The following MCM3AP variants were observed in gnomAD, a reference collection of about 807,000 sequenced individuals.
MCM3AP encodes the protein minichromosome maintenance complex component 3 associated protein.
Under a neutral mutation model 184.1 loss-of-function variants are expected in MCM3AP, and 126 were observed. That is an observed-to-expected ratio of 0.68 (90% CI 0.59 to 0.79). MCM3AP has a LOEUF of 0.79. MCM3AP is among the 30% of genes least tolerant of loss of function. The pLI is 0.00. For synonymous variants in MCM3AP, 1,002 were observed against 979.3 expected (o/e 1.02, Z -0.43); for missense variants, 2,496 against 2,479.2 (o/e 1.01, Z -0.14).
chr21:46,248,063 A>G (rs2123838873), intron 20 of MCM3AP, among the ~76,000 whole-genome samples: 1 of 152,364 alleles, frequency 6.6e-6, no homozygotes, highest in African/African-American at 2.4e-5. Context: ...TCCCTGGGTT[A>G]GGGAAGCAGA....
chr21:46,284,604 T>G lies in MCM3AP; in HGVS notation c.683A>C (p.Asn228Thr), dbSNP rs139125012. 8.5e-5 allele frequency: 137 copies of G among 1,614,062 alleles called. No homozygotes were observed. Among genetic ancestry groups the G allele is most frequent in the South Asian group, 5.4e-4 (49 of 91,086 alleles). ...TCTCTTCTCTTCCTCTACATTTTGG[T>G]TTGACAAAGCAGGGGTAAAGGCAGA... ...SLSAFTPALS[N>T]QNVEEEKRGP... The change falls in exon 1 of 28, where the codon AAC becomes ACC. Residue 228 changes from asparagine to threonine, a missense_variant. Coordinates refer to ENST00000291688, the MANE Select transcript of MCM3AP (RefSeq NM_003906.5).
At chr21:46,244,577 G>A (rs1206845908) in intron 23 of MCM3AP, 1 of 573,246 alleles carries the variant, frequency 1.7e-6, no homozygotes, top group Admixed American at 3.1e-5. Context: ...GGACTGCCTT[G>A]CTGGTCAGGA....
At chr21:46,237,242 TAGGCAAGTGCCAC>T (rs2080557604) in intron 26 of MCM3AP, among the ~76,000 whole-genome samples, 8 of 151,762 alleles carry the variant, frequency 5.3e-5, no homozygotes, top group Non-Finnish European at 1.2e-4. Context: ...GCTGGGATTA[TAGGCAAGTGCCAC>T]TGTGCCCAGC....
chr21:46,248,609 C>CA (rs1569057415), intron 20 of MCM3AP, among the ~76,000 whole-genome samples: 1 of 119,114 alleles, frequency 8.4e-6, no homozygotes, highest in Non-Finnish European at 1.8e-5. Flanking sequence ...ACTGGAGTAA[C>CA]AGAGAGGAAA....
chr21:46,279,805 C>T (rs1435692129), intron 4 of MCM3AP, among the ~76,000 whole-genome samples, 188 bp downstream of exon 4: 3 of 151,624 alleles, frequency 2.0e-5, no homozygotes, highest in African/African-American at 7.3e-5. Context: ...CCCACACAGA[C>T]CCACCTCCTA....
At chr21:46,265,239 C>T in intron 12 of MCM3AP, 82 bp downstream of exon 12, 1 of 1,341,220 alleles carries the variant, frequency 7.5e-7, no homozygotes, top group East Asian at 2.4e-5. Context: ...GCGCCACAGC[C>T]CCACCTCATG....
chr21:46,261,467 G>A (rs979132035), intron 13 of MCM3AP, 56 bp from the exon 14 acceptor site: 25 of 1,554,300 alleles, frequency 1.6e-5, no homozygotes, highest in Non-Finnish European at 2.1e-5. Flanking sequence ...GGGTGCGGTG[G>A]CTCACGCCTG....
At chr21:46,271,815 C>T (rs7409792) in intron 8 of MCM3AP, among the ~76,000 whole-genome samples, 1 of 151,582 alleles carries the variant, frequency 6.6e-6, no homozygotes, top group African/African-American at 2.4e-5. Context: ...GAGCCAAGAT[C>T]GCACTACTGT....
Position 46,259,106 on chromosome 21 carries a change from A to G in MCM3AP, c.3582-15T>C. 6.2e-7 allele frequency: 1 copy of G among 1,600,932 alleles called. No homozygotes were observed. Among genetic ancestry groups the G allele is most frequent in the Non-Finnish European group, 8.5e-7 (1 of 1,173,842 alleles). On this transcript the variant is annotated splice_polypyrimidine_tract_variant and intron_variant, in intron 15 of 27. Coordinates refer to ENST00000291688, the MANE Select transcript of MCM3AP (RefSeq NM_003906.5). Reference sequence around the variant, plus strand: ...CTACTGCATTCCTAGAAACAGGGCAATCAGCATGGAAGACACTGCACTTGG... The same window carrying G: ...CTACTGCATTCCTAGAAACAGGGCAGTCAGCATGGAAGACACTGCACTTGG...
chr21:46,282,061 G>C (rs1335464674), intron 2 of MCM3AP, among the ~76,000 whole-genome samples: 1 of 152,094 alleles, frequency 6.6e-6, no homozygotes, highest in Non-Finnish European at 1.5e-5. Flanking sequence ...CCAACATTTT[G>C]GGAGGCTAAG....
chr21:46,236,516 A>G (rs1398833317), intron 27 of MCM3AP, among the ~76,000 whole-genome samples: 1 of 152,236 alleles, frequency 6.6e-6, no homozygotes, highest in African/African-American at 2.4e-5. Flanking sequence ...AGCTCAGACA[A>G]TATGTGCTCC....
chr21:46,254,908 C>A, intron 17 of MCM3AP, 64 bp from the exon 18 acceptor site: 1 of 1,194,932 alleles, frequency 8.4e-7, no homozygotes, highest in Non-Finnish European at 1.3e-6. Flanking sequence ...TGGCTAGTGT[C>A]CCCTGGGGAA....
At position 46,284,764 on chromosome 21, in the gene MCM3AP, A is replaced by G. The variant is rs779889740; in HGVS notation, c.523T>C (p.Phe175Leu). 3 of 1,613,654 alleles carry G rather than the reference A, an allele frequency of 1.9e-6. No individual in the cohort carries two copies. The highest frequency in any genetic ancestry group is 2.5e-6 in the Non-Finnish European group (3 of 1,179,922). The change falls in exon 1 of 28, where the codon TTT becomes CTT. Residue 175 changes from phenylalanine (F) to leucine (L), a missense_variant. By Grantham distance (22) the Phe-to-Leu change is conservative (BLOSUM62 0). Transcript: ENST00000291688. ...EKTQSQIASG[F>L]FTFSHPISSA... ...CTAATTGGGTGGGAAAATGTAAAAA[A>G]CCCAGAAGCAATTTGGCTCTGGGTT... is the stretch of plus-strand genomic sequence containing the variant.
At chr21:46,266,462 A>T in intron 10 of MCM3AP, 1 of 294,908 alleles carries the variant, frequency 3.4e-6, no homozygotes, top group East Asian at 6.4e-5. Flanking sequence ...ACAGAACTAG[A>T]AGGAGACAGA....
chr21:46,246,870 A>G lies in MCM3AP; in HGVS notation c.4307T>C (p.Leu1436Pro). The change falls in exon 21 of 28, where the codon CTC becomes CCC. Residue 1436 changes from leucine to proline, a missense_variant. Leu to Pro is a moderately conservative substitution (Grantham distance 98, BLOSUM62 -3). Coordinates refer to ENST00000291688, the MANE Select transcript of MCM3AP (RefSeq NM_003906.5). ...NVCIKVAHGALSDGAIDAVET... is the reference protein window; with the variant it reads ...NVCIKVAHGAPSDGAIDAVET... ...CACAGCATCAATGGCACCATCACTG[A>G]GGGCGCCATGGGCCACCTGCAACAG... is the stretch of plus-strand genomic sequence containing the variant. 1 of 1,613,876 alleles carries G rather than the reference A, an allele frequency of 6.2e-7. No individual in the cohort carries two copies.
chr21:46,284,181 G>C lies in MCM3AP; in HGVS notation c.1106C>G (p.Ser369Cys), dbSNP rs753400608. 2.5e-5 allele frequency: 41 copies of C among 1,614,210 alleles called. No individual in the cohort carries two copies. The highest frequency in any genetic ancestry group is 3.3e-5 in the Non-Finnish European group (39 of 1,180,036). ...EAKKETGFVE[S>C]AESDHMAIPG... ...GATAGCCATGTGGTCACTTTCTGCAGACTCAACAAAGCCAGTTTCCTTTTT... is the reference window on the plus strand; with the variant it reads ...GATAGCCATGTGGTCACTTTCTGCACACTCAACAAAGCCAGTTTCCTTTTT... Residue 369 changes from serine to cysteine, a missense_variant, in exon 1 of 28, where the codon TCT (serine) becomes TGT (cysteine). By Grantham distance (112) the Ser-to-Cys change is moderately radical. Coordinates refer to ENST00000291688, the MANE Select transcript of MCM3AP (RefSeq NM_003906.5).
chr21:46,251,740 T>C (rs972567508), intron 19 of MCM3AP, 58 bp from the exon 20 acceptor site: 1 of 1,094,316 alleles, frequency 9.1e-7, no homozygotes, highest in Non-Finnish European at 1.3e-6. Flanking sequence ...TAATTCTATA[T>C]TTGAATTATA....
Position 46,256,653 on chromosome 21 carries a change from GC to G in MCM3AP, c.3932+135del. 2.7e-6 allele frequency: 3 copies of G among 1,096,876 alleles called. No individual in the cohort carries two copies. In the South Asian group the frequency reaches 4.9e-5, roughly 18 times the overall value. The allele number at this position is 1,096,876 out of a possible 1,614,324, so 67.9% of individuals were successfully genotyped here. On this transcript the variant is annotated intron_variant, in intron 17 of 27. Coordinates refer to ENST00000291688, the MANE Select transcript of MCM3AP (RefSeq NM_003906.5). ...AAAATGCAACCCTGTGCCTGTCCTCGCCTCCAGGCTTCACCTATCTTCGCCT... is the reference window on the plus strand; with the variant it reads ...AAAATGCAACCCTGTGCCTGTCCTCGCTCCAGGCTTCACCTATCTTCGCCT...
At chr21:46,244,729 A>G in intron 23 of MCM3AP, 78 bp downstream of exon 23, 3 of 1,476,994 alleles carry the variant, frequency 2.0e-6, no homozygotes, top group Non-Finnish European at 2.7e-6. Context: ...AACACCTGCC[A>G]GACGGTTACT....
Sources: allele counts gnomAD v4.1 joint callset (sites outside exome capture counted in the v4.1 genomes callset), GRCh38; gene constraint gnomAD v4.1.1; transcripts MANE v1.5; gene names NCBI Gene and HGNC (gene_info 2026-07-23, HGNC 2026-07-21).